Variants in TMEM132C observed in about 807,000 individuals in gnomAD.
TMEM132C encodes protein phosphatase 1, regulatory subunit 152.
In TMEM132C, 29 loss-of-function variants were observed where a neutral mutation model predicts 61.4. That is an observed-to-expected ratio of 0.47 (90% CI 0.35 to 0.64). TMEM132C has a LOEUF of 0.64. Ranked by LOEUF, TMEM132C falls within the 30% of genes least tolerant of loss-of-function variation. The pLI, the probability that TMEM132C is intolerant of heterozygous loss-of-function variation, is 0.00. For synonymous variants in TMEM132C, 656 were observed against 633.1 expected (o/e 1.04, Z -0.54); for missense variants, 1,408 against 1,476.9 (o/e 0.95, Z 0.76).
intron 4 of TMEM132C, among the ~76,000 whole-genome samples, chr12:128,631,054 G>T (rs1003553718): frequency 1.2e-4 from 19 of 152,060 alleles, no homozygotes; most frequent in Non-Finnish European, 2.5e-4. Context: ...TAATAATAAT[G>T]TGTATGTTTT....
chr12:128,274,569 C>G (rs1464628748), intron 1 of TMEM132C, among the ~76,000 whole-genome samples: 1 of 152,200 alleles, frequency 6.6e-6, no homozygotes, highest in Non-Finnish European at 1.5e-5. Flanking sequence ...CCAGAGAAAG[C>G]TAAAGGACGA....
chr12:128,423,925 A>T (rs973759572), intron 2 of TMEM132C, among the ~76,000 whole-genome samples: 2 of 151,592 alleles, frequency 1.3e-5, no homozygotes, highest in African/African-American at 2.4e-5. Flanking sequence ...AGGTACCTGT[A>T]GTCCCAGCTA....
At chr12:128,445,730 C>T (rs1869958673) in intron 2 of TMEM132C, among the ~76,000 whole-genome samples, 2 of 152,164 alleles carry the variant, frequency 1.3e-5, no homozygotes. Context: ...CTTTCAGTGC[C>T]CTGGCACTTG....
intron 3 of TMEM132C, among the ~76,000 whole-genome samples, chr12:128,573,537 C>T (rs1459133772): frequency 6.6e-6 from 1 of 151,752 alleles, no homozygotes; most frequent in African/African-American, 2.4e-5. Flanking sequence ...ACCAACATGG[C>T]ACATGTATAC....
At chr12:128,694,391 TATAA>T (rs1230296305) in intron 6 of TMEM132C, among the ~76,000 whole-genome samples, 4 of 152,262 alleles carry the variant, frequency 2.6e-5, no homozygotes, top group Non-Finnish European at 5.9e-5. Context: ...TATGCATATC[TATAA>T]GCTTGAAATG....
intron 2 of TMEM132C, among the ~76,000 whole-genome samples, chr12:128,437,304 TAAATAAACA>T (rs1243456033): frequency 5.9e-5 from 9 of 151,506 alleles, no homozygotes; most frequent in Non-Finnish European, 1.3e-4. Flanking sequence ...ATAAAATAAA[TAAATAAACA>T]AACCACTGAC....
chr12:128,271,288 AATAATAATAATAATAAT>A (rs1260621421), intron 1 of TMEM132C, among the ~76,000 whole-genome samples: 31 of 147,652 alleles, frequency 2.1e-4, no homozygotes, highest in African/African-American at 5.9e-4. Context: ...TAATAATAAT[AATAATAATAATAATAAT>A]AAAATGAAAT....
rs1868743135 is a variant in TMEM132C, at chr12:128,415,402, C to A, written c.756C>A (p.Ile252=). Residue 252 remains isoleucine (I), a synonymous_variant, in exon 2 of 9, where the codon ATC becomes ATA. Transcript: ENST00000435159. This position sits in a 1 kb window ranked among gnomAD's most constrained non-coding sequence, Gnocchi z 5.8. The part of the protein sequence containing the change: ...AGGDFRKGNA[I]RPGKDGLEET... ...GTGACTTCAGGAAGGGCAACGCCAT[C>A]CGTCCAGGAAAGGATGGGCTGGAGG... The A allele has an allele frequency of 2.6e-6, 4 of 1,550,122 alleles. No individual in the cohort carries two copies. The highest frequency in any genetic ancestry group is 4.9e-5 in the East Asian group (2 of 40,888).
At chr12:128,386,319 C>G (rs530414264) in intron 1 of TMEM132C, among the ~76,000 whole-genome samples, 1 of 152,326 alleles carries the variant, frequency 6.6e-6, no homozygotes, top group African/African-American at 2.4e-5. Context: ...CCTCTATTTT[C>G]TAGACTGATG....
At chr12:128,473,338 G>A (rs796217318) in intron 2 of TMEM132C, among the ~76,000 whole-genome samples, 2 of 63,714 alleles carry the variant, frequency 3.1e-5, no homozygotes, top group Admixed American at 1.7e-4. Flanking sequence ...CTTCAGTCCA[G>A]CCTCCTTCTT....
intron 4 of TMEM132C, among the ~76,000 whole-genome samples, chr12:128,646,782 G>T (rs1343908379): frequency 6.6e-6 from 1 of 151,292 alleles, no homozygotes; most frequent in Non-Finnish European, 1.5e-5. Flanking sequence ...GTGTTTACCA[G>T]AGTCCATCAG....
intron 3 of TMEM132C, among the ~76,000 whole-genome samples, chr12:128,588,590 TC>T (rs971002544): frequency 2.6e-5 from 4 of 151,900 alleles, no homozygotes; most frequent in Admixed American, 6.6e-5. Flanking sequence ...AGTGTTTGTG[TC>T]CCCCCCACTC....
In TMEM132C at chr12:128,509,925, A is replaced by G. The variant is rs148523129; in HGVS notation, c.975-34032A>G. On this transcript the variant is annotated intron_variant, in intron 2 of 8. Transcript: ENST00000435159. The stretch of plus-strand genomic sequence containing the variant: ...GAGAGTCAAACTAAATGCTAATCCT[A>G]CAGACTGTCTCCTTTTTCCTGGTAT... Among the ~76,000 whole-genome samples the G allele has an allele frequency of 1.3e-3, 199 of 152,344 alleles. 1 individual carries two copies. Among genetic ancestry groups the G allele is most frequent in the African/African-American group, 4.5e-3 (186 of 41,580 alleles).
chr12:128,378,746 T>G (rs1874304049), intron 1 of TMEM132C, among the ~76,000 whole-genome samples: 1 of 152,106 alleles, frequency 6.6e-6, no homozygotes, highest in Non-Finnish European at 1.5e-5. Context: ...AAGGTTGAGG[T>G]GATACGGTTT....
intron 5 of TMEM132C, among the ~76,000 whole-genome samples, chr12:128,685,431 G>A (rs1179974396): frequency 6.6e-6 from 1 of 152,214 alleles, no homozygotes; most frequent in Non-Finnish European, 1.5e-5. Context: ...TTGGCCTGTC[G>A]CTGCCATTGG....
chr12:128,695,122 C>T (rs943256163), intron 6 of TMEM132C, among the ~76,000 whole-genome samples: 9 of 152,204 alleles, frequency 5.9e-5, no homozygotes, highest in Non-Finnish European at 1.0e-4. Context: ...TGTTCTAGAA[C>T]CCCTCTGTCC....
At chr12:128,690,272 C>A (rs974121655) in intron 5 of TMEM132C, among the ~76,000 whole-genome samples, 9 of 152,184 alleles carry the variant, frequency 5.9e-5, no homozygotes, top group African/African-American at 1.9e-4. Context: ...AGATGAAAAG[C>A]AGTCTGAGAA....
intron 5 of TMEM132C, among the ~76,000 whole-genome samples, chr12:128,680,960 T>C (rs189659564): frequency 2.6e-5 from 4 of 152,324 alleles, no homozygotes; most frequent in Admixed American, 2.0e-4. Context: ...GTCAGGTTCA[T>C]GAAGCACGGG....
At chr12:128,662,973 A>T (rs1593139359) in intron 4 of TMEM132C, among the ~76,000 whole-genome samples, 1 of 152,240 alleles carries the variant, frequency 6.6e-6, no homozygotes, top group East Asian at 1.9e-4. Flanking sequence ...GTGGGTAGAG[A>T]TAGATCATTG....
Sources: allele counts gnomAD v4.1 joint callset (sites outside exome capture counted in the v4.1 genomes callset), GRCh38; gene constraint gnomAD v4.1.1; non-coding constraint Gnocchi (gnomAD v3.1); transcripts MANE v1.5; gene names NCBI Gene and HGNC (gene_info 2026-07-23, HGNC 2026-07-21).